The following PBXIP1 variants were observed in gnomAD, a reference collection of about 807,000 sequenced individuals.
PBXIP1 encodes the protein PBX homeobox interacting protein 1.
PBXIP1 carries 73 observed loss-of-function variants against 73.7 expected under a neutral mutation model. The observed-to-expected ratio is 0.99, with a 90% CI of 0.82 to 1.20. The LOEUF is 1.20. Ranked by LOEUF, PBXIP1 falls within the 50% of genes most tolerant of loss-of-function variation. PBXIP1 has a pLI of 0.00. For synonymous variants in PBXIP1, 330 were observed against 366.9 expected (o/e 0.90, Z 1.15); for missense variants, 818 against 911.4 (o/e 0.90, Z 1.32).
Position 154,946,568 on chromosome 1 carries a change from TG to T in PBXIP1, c.1105del (p.Gln369LysfsTer13). On this transcript the variant is annotated frameshift_variant, in exon 10 of 11. Transcript: ENST00000368463. LOFTEE classifies it high-confidence loss of function. ...TTCTGGCTCCTGCTCCCTGGGGCCT[TG>T]CTCCCTGATGGCCTTGTCACCCTGT... ...GPQGDKAIRE[Q>X]GPREQEPELS... The T allele has an allele frequency of 6.2e-7, 1 of 1,612,926 alleles. No individual in the cohort carries two copies. The highest frequency in any genetic ancestry group is 8.5e-7 in the Non-Finnish European group (1 of 1,179,878).
At position 154,951,831 on chromosome 1, in the gene PBXIP1, C is replaced by T. The variant is rs148642218; in HGVS notation, c.142G>A (p.Asp48Asn). 1,475 of 1,614,078 alleles carry T rather than the reference C, an allele frequency of 9.1e-4. 9 individuals are homozygous for T. The African/African-American group carries it at 0.016, about 17-fold the overall frequency. Reference sequence around the variant, plus strand: ...ATGGTCCCAGCTAATTCTTTCCCATCTGTCTTGGAGGGGCTGTGAGGGGCC... The same window carrying T: ...ATGGTCCCAGCTAATTCTTTCCCATTTGTCTTGGAGGGGCTGTGAGGGGCC... Reference protein sequence around the residue: ...LQAPHSPSKTDGKELAGTMDG... With the variant: ...LQAPHSPSKTNGKELAGTMDG... Residue 48 changes from aspartate to asparagine, a missense_variant, in exon 3 of 11, where the codon GAT (aspartate) becomes AAT (asparagine). By Grantham distance (23) the Asp-to-Asn change is conservative. Transcript: ENST00000368463. This position sits in a 1 kb window ranked among gnomAD's most constrained non-coding sequence, Gnocchi z 4.3.
chr1:154,953,078 C>T (rs1655062409), intron 2 of PBXIP1, among the ~76,000 whole-genome samples: 1 of 152,200 alleles, frequency 6.6e-6, no homozygotes, highest in Non-Finnish European at 1.5e-5. Flanking sequence ...CAGTGGGCTT[C>T]TGCCCCACCA....
At chr1:154,950,066 A>T (rs1571399345) in intron 5 of PBXIP1, 1 of 215,474 alleles carries the variant, frequency 4.6e-6, no homozygotes, top group East Asian at 1.0e-4. Flanking sequence ...CCCAGGCTGG[A>T]GTGCAGTGGC....
chr1:154,947,640 A>G lies in PBXIP1; in HGVS notation c.738+2T>C. On this transcript the variant is annotated splice_donor_variant, in intron 8 of 10. Transcript: ENST00000368463. LOFTEE classifies it high-confidence loss of function. ...CCTGCCTCTGGAGACATTCACACAT[A>G]CCTGCCTGTCCCCCACAGCTTCCAG... The G allele has an allele frequency of 6.2e-7, 1 of 1,613,022 alleles. No homozygotes were observed. Among genetic ancestry groups the G allele is most frequent in the Non-Finnish European group, 8.5e-7 (1 of 1,179,632 alleles).
At position 154,946,710 on chromosome 1, in the gene PBXIP1, C is replaced by T. The variant is rs768024824; in HGVS notation, c.964G>A (p.Ala322Thr). ...TCTGACTCCAGAGCCCGCTGGAAGG[C>T]TTCGCCCTGCTGCAGAGCCCCCCGG... is the stretch of plus-strand genomic sequence containing the variant. The part of the protein sequence containing the change: ...QLRGALQQGE[A>T]FQRALESELQ... Residue 322 changes from alanine (A) to threonine (T), a missense_variant, in exon 10 of 11, where the codon GCC becomes ACC. Physicochemically the swap from Ala to Thr is moderately conservative, Grantham distance 58. Coordinates refer to ENST00000368463, the MANE Select transcript of PBXIP1 (RefSeq NM_020524.4). 10 of 1,610,554 alleles carry T rather than the reference C, an allele frequency of 6.2e-6. No homozygotes were observed. In the East Asian group the frequency reaches 1.1e-4, roughly 18 times the overall value.
intron 1 of PBXIP1, among the ~76,000 whole-genome samples, chr1:154,954,407 G>A (rs1045237657): frequency 2.0e-5 from 3 of 152,182 alleles, no homozygotes; most frequent in Non-Finnish European, 4.4e-5. Context: ...CCACTCAAAT[G>A]ATTCTCATGC....
At chr1:154,953,264 C>T (rs1189598831) in intron 2 of PBXIP1, among the ~76,000 whole-genome samples, 2 of 152,176 alleles carry the variant, frequency 1.3e-5, no homozygotes, top group Non-Finnish European at 2.9e-5. Context: ...CAGGCTCTTC[C>T]GGTCTCTTCC....
Position 154,948,783 on chromosome 1 carries a change from A to T in PBXIP1, c.410-417T>A, listed in dbSNP as rs181625761. Among the ~76,000 whole-genome samples the T allele has an allele frequency of 7.2e-5, 11 of 151,942 alleles. No homozygotes were observed. In the East Asian group the frequency reaches 2.1e-3, roughly 29 times the overall value. Reference sequence around the variant, plus strand: ...CCATTTCAGGTTCTCTGCTCTTCTCACTGTACACATAGTCACAATTCTCTG... The same window carrying T: ...CCATTTCAGGTTCTCTGCTCTTCTCTCTGTACACATAGTCACAATTCTCTG... On this transcript the variant is annotated intron_variant, in intron 5 of 10. Coordinates refer to ENST00000368463, the MANE Select transcript of PBXIP1 (RefSeq NM_020524.4).
chr1:154,946,127 C>T lies in PBXIP1; in HGVS notation c.1547G>A (p.Arg516Lys). ...GGQEDREPAG[R>K]WKEGRPRVEE... ...CACCCTTGGCCTGCCCTCCTTCCAC[C>T]TTCCTGCTGGCTCCCTGTCCTCCTG... The change falls in exon 10 of 11, where the codon AGG (arginine) becomes AAG (lysine). Residue 516 changes from arginine (R) to lysine (K), a missense_variant. Coordinates refer to ENST00000368463, the MANE Select transcript of PBXIP1 (RefSeq NM_020524.4). 1 of 1,614,158 alleles carries T rather than the reference C, an allele frequency of 6.2e-7. No homozygotes were observed. Among genetic ancestry groups the T allele is most frequent in the South Asian group, 1.1e-5 (1 of 91,076 alleles).
chr1:154,947,289 C>G, intron 9 of PBXIP1, 128 bp downstream of exon 9: 3 of 1,154,318 alleles, frequency 2.6e-6, no homozygotes, highest in Non-Finnish European at 3.9e-6. Context: ...GACGCCCTGA[C>G]TATAGTGGGA....
chr1:154,950,613 A>T (rs1249679973), intron 5 of PBXIP1: 1 of 153,376 alleles, frequency 6.5e-6, no homozygotes, highest in African/African-American at 2.4e-5. Flanking sequence ...CCTGGAACAG[A>T]GCTCCTTAGC....
intron 5 of PBXIP1, among the ~76,000 whole-genome samples, chr1:154,949,358 T>G (rs1278475026): frequency 1.3e-5 from 2 of 151,860 alleles, no homozygotes; most frequent in African/African-American, 4.8e-5. Context: ...GTGTATTTTT[T>G]TGTAAAGACG....
At position 154,947,553 on chromosome 1, in the gene PBXIP1, G is replaced by A; in HGVS notation, c.739-5C>T. ...CAGCTGTTCCCTTAGCCCATCCTGAGGGCAGAAGAGCCTGTTATGCCATGC... is the reference window on the plus strand; with the variant it reads ...CAGCTGTTCCCTTAGCCCATCCTGAAGGCAGAAGAGCCTGTTATGCCATGC... On this transcript the variant is annotated splice_polypyrimidine_tract_variant and splice_region_variant and intron_variant, in intron 8 of 10. Transcript: ENST00000368463. 6.2e-7 allele frequency: 1 copy of A among 1,603,252 alleles called. No homozygotes were observed. The highest frequency in any genetic ancestry group is 8.5e-7 in the Non-Finnish European group (1 of 1,173,232).
rs1654735519 is a variant in PBXIP1, at chr1:154,944,546, C to T, written c.*478G>A. 1 of 154,590 alleles carries T rather than the reference C, an allele frequency of 6.5e-6. No individual in the cohort carries two copies. The highest frequency in any genetic ancestry group is 1.4e-5 in the Non-Finnish European group (1 of 69,544). 9.6% of individuals were successfully genotyped at this position (154,590 alleles called of 1,614,324 possible). A position where few individuals can be genotyped will look rare whatever the true frequency, so the allele number is the denominator to read the frequency against. ...AAAAAAAGGGGGGGGACTTCACCCC[C>T]TAGGGACAGCTGCTTCCAAACCTAA... On this transcript the variant is annotated 3_prime_UTR_variant, in exon 11 of 11. Coordinates refer to ENST00000368463, the MANE Select transcript of PBXIP1 (RefSeq NM_020524.4).
At position 154,947,510 on chromosome 1, in the gene PBXIP1, A is replaced by G. The variant is rs376356931; in HGVS notation, c.777T>C (p.Pro259=). The G allele has an allele frequency of 1.2e-6, 2 of 1,610,492 alleles. No individual in the cohort carries two copies. The highest frequency in any genetic ancestry group is 1.3e-5 in the African/African-American group (1 of 74,840). ...TGTTTTGCAGGCTGGGGACACTGTCAGGAGGCACTGGGGCCTGCAGCTGTT... is the reference window on the plus strand; with the variant it reads ...TGTTTTGCAGGCTGGGGACACTGTCGGGAGGCACTGGGGCCTGCAGCTGTT... ...LREQLQAPVP[P]DSVPSLQNMG... The change falls in exon 9 of 11, where the codon CCT becomes CCC. Residue 259 remains proline, a synonymous_variant. Coordinates refer to ENST00000368463, the MANE Select transcript of PBXIP1 (RefSeq NM_020524.4).
Position 154,946,342 on chromosome 1 carries a change from C to A in PBXIP1, c.1332G>T (p.Glu444Asp), listed in dbSNP as rs1654818600. The change falls in exon 10 of 11, where the codon GAG becomes GAT. Residue 444 changes from glutamate (E) to aspartate (D), a missense_variant. Glu to Asp is a conservative substitution (Grantham distance 45). Coordinates refer to ENST00000368463, the MANE Select transcript of PBXIP1 (RefSeq NM_020524.4). ...HRLAQKLQGL[E>D]NWGQDPGVSA... ...AGACCCCAGGGTCCTGGCCCCAGTTCTCCAGGCCCTGCAGTTTCTGGGCCA... is the reference window on the plus strand; with the variant it reads ...AGACCCCAGGGTCCTGGCCCCAGTTATCCAGGCCCTGCAGTTTCTGGGCCA... 1 of 1,613,872 alleles carries A rather than the reference C, an allele frequency of 6.2e-7. No homozygotes were observed. The highest frequency in any genetic ancestry group is 1.7e-5 in the Admixed American group (1 of 60,014).
chr1:154,955,353 C>T (rs1439987107), intron 1 of PBXIP1, among the ~76,000 whole-genome samples: 4 of 152,164 alleles, frequency 2.6e-5, no homozygotes, highest in African/African-American at 9.7e-5. Flanking sequence ...GCAGCCTGCT[C>T]AGGTCCTCTA....
Position 154,951,767 on chromosome 1 carries a change from A to T in PBXIP1, c.178+28T>A. The T allele has an allele frequency of 6.2e-7, 1 of 1,608,222 alleles. No homozygotes were observed. ...AATATGGAGAATAGCTTTGTCCGGT[A>T]AGCTATGTCCTAAGCAGGGCCCAGT... On this transcript the variant is annotated intron_variant, in intron 3 of 10. Coordinates refer to ENST00000368463, the MANE Select transcript of PBXIP1 (RefSeq NM_020524.4). The surrounding 1 kb of genome is among the most constrained non-coding windows in gnomAD (Gnocchi z 4.3).
chr1:154,945,548 C>A, intron 10 of PBXIP1, 24 bp downstream of exon 10: 1 of 1,600,798 alleles, frequency 6.2e-7, no homozygotes, highest in Non-Finnish European at 8.5e-7. Context: ...TCCCACCCGA[C>A]CCAACTCCCC....
Sources: allele counts gnomAD v4.1 joint callset (sites outside exome capture counted in the v4.1 genomes callset), GRCh38; gene constraint gnomAD v4.1.1; non-coding constraint Gnocchi (gnomAD v3.1); transcripts MANE v1.5; gene names NCBI Gene and HGNC (gene_info 2026-07-23, HGNC 2026-07-21).